Variants in TRIM67 observed in about 807,000 individuals in gnomAD.
TRIM67 encodes tripartite motif containing 67, also known as tripartite motif-containing protein 67.
Under a neutral mutation model 71.0 loss-of-function variants are expected in TRIM67, and 39 were observed. The observed-to-expected ratio is 0.55, with a 90% confidence interval of 0.43 to 0.72. The LOEUF is 0.72. Ranked by LOEUF, TRIM67 falls within the 30% of genes least tolerant of loss-of-function variation. TRIM67 has a pLI of 0.00. For missense variants in TRIM67, 973 were observed against 1,079.2 expected (o/e 0.90, Z 1.38); for synonymous variants, 481 against 473.9 (o/e 1.01, Z -0.19).
intron 8 of TRIM67, among the ~76,000 whole-genome samples, chr1:231,210,121 G>A (rs1462899969): frequency 1.3e-5 from 2 of 152,196 alleles, no homozygotes; most frequent in South Asian, 2.1e-4. Context: ...GCCAGAAATG[G>A]AGAGTTGCAA....
rs767689982 is a variant in TRIM67 at position 231,162,944 on chromosome 1, G to C, written c.-26G>C. 1.1e-5 allele frequency: 18 copies of C among 1,605,082 alleles called. No homozygotes were observed. Among genetic ancestry groups the C allele is most frequent in the South Asian group, 2.2e-5 (2 of 89,976 alleles). Reference sequence around the variant, plus strand: ...GCTCCGGCCATTCATCCCCAGCGCAGAGCAGCGCTGGCAGCCGGCGCCGCG... The same window carrying C: ...GCTCCGGCCATTCATCCCCAGCGCACAGCAGCGCTGGCAGCCGGCGCCGCG... On this transcript the variant is annotated 5_prime_UTR_variant, in exon 1 of 10. Coordinates refer to ENST00000366653, the MANE Select transcript of TRIM67 (RefSeq NM_001004342.5).
intron 2 of TRIM67, among the ~76,000 whole-genome samples, chr1:231,198,363 A>C (rs1683426013): frequency 6.6e-6 from 1 of 152,112 alleles, no homozygotes; most frequent in Admixed American, 6.5e-5. Flanking sequence ...GAAAGCATTA[A>C]CATATCTGGA....
intron 7 of TRIM67, among the ~76,000 whole-genome samples, chr1:231,208,139 G>T (rs1025587639): frequency 6.6e-6 from 1 of 151,164 alleles, no homozygotes; most frequent in African/African-American, 2.4e-5. Flanking sequence ...CTCCCAAGCA[G>T]CTGGGACTAT....
chr1:231,181,720 C>T (rs1446849760), intron 1 of TRIM67, among the ~76,000 whole-genome samples: 1 of 151,946 alleles, frequency 6.6e-6, no homozygotes, highest in East Asian at 1.9e-4. Context: ...TGCTTGACTC[C>T]CTGAGCTGTA....
At chr1:231,175,828 G>A (rs1682732923) in intron 1 of TRIM67, among the ~76,000 whole-genome samples, 1 of 152,208 alleles carries the variant, frequency 6.6e-6, no homozygotes, top group Admixed American at 6.5e-5. Flanking sequence ...AGATCCTTGA[G>A]TGATTCCTGC....
Position 231,217,747 on chromosome 1 carries a change from A to G in TRIM67, c.*2307A>G. 2 of 1,268,386 alleles carry G rather than the reference A, an allele frequency of 1.6e-6. No homozygotes were observed. Among genetic ancestry groups the G allele is most frequent in the South Asian group, 2.6e-5 (2 of 77,664 alleles). 78.6% of individuals were successfully genotyped at this position (1,268,386 alleles called of 1,614,324 possible). A position where few individuals can be genotyped will look rare whatever the true frequency, so the allele number is the denominator to read the frequency against. ...CCAGGTGGCCCCAGCTCTGCAGAAG[A>G]ATCGCCCATCATTGGAGCACAAGTT... On this transcript the variant is annotated 3_prime_UTR_variant, in exon 10 of 10. Coordinates refer to ENST00000366653, the MANE Select transcript of TRIM67 (RefSeq NM_001004342.5).
In TRIM67 at chr1:231,185,913, G is replaced by T. The variant is rs115934604; in HGVS notation, c.1045-11458G>T. The stretch of plus-strand genomic sequence containing the variant: ...GATTTGAGTTGGACGTGGGCAAGCT[G>T]AGCTAGGACTGGAGATGAGTGTGAT... On this transcript the variant is annotated intron_variant, in intron 1 of 9. Coordinates refer to ENST00000366653, the MANE Select transcript of TRIM67 (RefSeq NM_001004342.5). Among the ~76,000 whole-genome samples, 193 of 151,980 alleles carry T rather than the reference G, an allele frequency of 1.3e-3. 3 individuals are homozygous for T. The highest frequency in any genetic ancestry group is 4.3e-3 in the African/African-American group (178 of 41,248).
At position 231,163,547 on chromosome 1, in the gene TRIM67, G is replaced by T. The variant is rs1200621329; in HGVS notation, c.578G>T (p.Arg193Leu). Residue 193 changes from arginine to leucine, a missense_variant, in exon 1 of 10, where the codon CGC (arginine) becomes CTC (leucine). Arg to Leu is a moderately radical substitution (Grantham distance 102). Transcript: ENST00000366653. ...ATCGTGCAGCGGTACCAGCAGGGCC[G>T]CGGGGCCGTGCCGGGGACGTCTGCA... ...EAIVQRYQQG[R>L]GAVPGTSAAA... 1.3e-6 allele frequency: 2 copies of T among 1,512,702 alleles called. No individual in the cohort carries two copies. The highest frequency in any genetic ancestry group is 5.3e-5 in the East Asian group (2 of 38,084). 93.7% of individuals were successfully genotyped at this position (1,512,702 alleles called of 1,614,324 possible).
chr1:231,178,880 C>T (rs543898408), intron 1 of TRIM67, among the ~76,000 whole-genome samples: 1 of 152,304 alleles, frequency 6.6e-6, no homozygotes, highest in African/African-American at 2.4e-5. Flanking sequence ...ACCTTCGGGG[C>T]ACTCAGTTTA....
rs1446328630 is a variant in TRIM67, at chr1:231,217,845, G to A, written c.*2405G>A. On this transcript the variant is annotated 3_prime_UTR_variant, in exon 10 of 10. Coordinates refer to ENST00000366653, the MANE Select transcript of TRIM67 (RefSeq NM_001004342.5). ...GTCAGGAGAGAAGTGGAAAGTGCAG[G>A]AGGGTAATGCCCTCAAATCCGGTGG... The A allele has an allele frequency of 1.6e-6, 2 of 1,289,578 alleles. No homozygotes were observed. The highest frequency in any genetic ancestry group is 1.5e-5 in the African/African-American group (1 of 65,868). The allele number at this position is 1,289,578 out of a possible 1,614,324, so 79.9% of individuals were successfully genotyped here.
At position 231,209,370 on chromosome 1, in the gene TRIM67, A is replaced by G; in HGVS notation, c.2123+120A>G. 1 of 1,192,536 alleles carries G rather than the reference A, an allele frequency of 8.4e-7. No individual in the cohort carries two copies. The highest frequency in any genetic ancestry group is 1.1e-6 in the Non-Finnish European group (1 of 879,490). The allele number at this position is 1,192,536 out of a possible 1,614,324, so 73.9% of individuals were successfully genotyped here. On this transcript the variant is annotated intron_variant, in intron 8 of 9. Transcript: ENST00000366653. The surrounding 1 kb of genome is among the most constrained non-coding windows in gnomAD (Gnocchi z 4.1). ...GGAGGAATTGAGAGGAGGTATTTTC[A>G]GCCACTTTGGTCTCCATTTTCTAGG... is the stretch of plus-strand genomic sequence containing the variant.
intron 1 of TRIM67, chr1:231,185,955 C>T (rs752286240): frequency 4.9e-5 from 38 of 768,824 alleles, no homozygotes; most frequent in East Asian, 1.3e-4. Context: ...CCGTGACAGC[C>T]GGGACAAGGG....
chr1:231,169,368 C>CTTTTTT (rs775082418), intron 1 of TRIM67, among the ~76,000 whole-genome samples: 6 of 81,658 alleles, frequency 7.3e-5, no homozygotes, highest in African/African-American at 9.4e-5. Flanking sequence ...ATTCTTTTCT[C>CTTTTTT]TTTTTTTTTT....
At chr1:231,175,044 T>C (rs1030873239) in intron 1 of TRIM67, among the ~76,000 whole-genome samples, 2 of 152,222 alleles carry the variant, frequency 1.3e-5, no homozygotes, top group African/African-American at 2.4e-5. Flanking sequence ...CCTGCAGCCA[T>C]GCTACTGCTC....
In TRIM67 at chr1:231,218,677, T is replaced by C; in HGVS notation, c.*3237T>C. ...CCCACAAGGTAACTGACCTAAACAC[T>C]ATAAAACTGTATATATTTCCAGGCT... On this transcript the variant is annotated 3_prime_UTR_variant, in exon 10 of 10. Transcript: ENST00000366653. 2 of 985,402 alleles carry C rather than the reference T, an allele frequency of 2.0e-6. No individual in the cohort carries two copies. The highest frequency in any genetic ancestry group is 2.4e-6 in the Non-Finnish European group (2 of 829,932). 61.0% of individuals were successfully genotyped at this position (985,402 alleles called of 1,614,324 possible).
chr1:231,203,805 G>A, intron 5 of TRIM67, 62 bp from the exon 6 acceptor site: 1 of 1,557,850 alleles, frequency 6.4e-7, no homozygotes. Flanking sequence ...GGGTGGGGTG[G>A]GGGACCGGGC....
At chr1:231,177,502 G>A (rs865839437) in intron 1 of TRIM67, among the ~76,000 whole-genome samples, 1 of 152,212 alleles carries the variant, frequency 6.6e-6, no homozygotes, top group Non-Finnish European at 1.5e-5. Flanking sequence ...CCCATCCCAG[G>A]CTTGTTCTTG....
At chr1:231,207,861 TG>T (rs1424822309) in intron 7 of TRIM67, among the ~76,000 whole-genome samples, 2 of 151,914 alleles carry the variant, frequency 1.3e-5, no homozygotes, top group Non-Finnish European at 2.9e-5. Context: ...TCTATCAACC[TG>T]GGGGGTTGGG....
intron 1 of TRIM67, among the ~76,000 whole-genome samples, chr1:231,164,558 T>C (rs74143569): frequency 3.2e-4 from 48 of 152,250 alleles, no homozygotes; most frequent in African/African-American, 1.1e-3. Context: ...ATGCCAAAGA[T>C]GAGCAATTGG....
Sources: allele counts gnomAD v4.1 joint callset (sites outside exome capture counted in the v4.1 genomes callset), GRCh38; gene constraint gnomAD v4.1.1; non-coding constraint Gnocchi (gnomAD v3.1); transcripts MANE v1.5; gene names NCBI Gene and HGNC (gene_info 2026-07-23, HGNC 2026-07-21).